The following PRPSAP1 variants were observed in gnomAD, a reference collection of about 807,000 sequenced individuals.
PRPSAP1 encodes phosphoribosyl pyrophosphate synthase-associated protein 1.
In PRPSAP1, 31 loss-of-function variants were observed where a neutral mutation model predicts 39.4. The observed-to-expected ratio is 0.79, with a 90% confidence interval of 0.59 to 1.06. PRPSAP1 has a LOEUF of 1.06. Ranked by LOEUF, PRPSAP1 falls within the 50% of genes least tolerant of loss-of-function variation. The pLI, the probability that PRPSAP1 is intolerant of heterozygous loss-of-function variation, is 0.00. For synonymous variants in PRPSAP1, 212 were observed against 192.6 expected (o/e 1.10, Z -0.83); for missense variants, 430 against 511.6 (o/e 0.84, Z 1.54).
At chr17:76,341,237 T>G (rs891061738) in intron 3 of PRPSAP1, among the ~76,000 whole-genome samples, 40 of 9,984 alleles carry the variant, frequency 4.0e-3, no homozygotes, top group African/African-American at 0.01. Context: ...TTTTTTTGTT[T>G]TTTTTTTTTT....
intron 7 of PRPSAP1, among the ~76,000 whole-genome samples, chr17:76,325,587 G>A (rs1344581883): frequency 6.9e-6 from 1 of 145,274 alleles, no homozygotes; most frequent in African/African-American, 2.6e-5. Flanking sequence ...TGGAGGCTCA[G>A]ATGACTGCTA....
chr17:76,353,870 G>T lies in PRPSAP1; in HGVS notation c.-167C>A, dbSNP rs926413885. 1.6e-5 allele frequency: 21 copies of T among 1,326,188 alleles called. No individual in the cohort carries two copies. The highest frequency in any genetic ancestry group is 9.5e-5 in the East Asian group (3 of 31,684). The allele number at this position is 1,326,188 out of a possible 1,614,324, so 82.2% of individuals were successfully genotyped here. A position where few individuals can be genotyped will look rare whatever the true frequency, so the allele number is the denominator to read the frequency against. Reference sequence around the variant, plus strand: ...CGCACCCCACACCACTGACTACAGCGGCCGAGCCTTCGCAGCGCCCGGCGC... The same window carrying T: ...CGCACCCCACACCACTGACTACAGCTGCCGAGCCTTCGCAGCGCCCGGCGC... On this transcript the variant is annotated 5_prime_UTR_variant, in exon 1 of 10. Transcript: ENST00000446526.
At chr17:76,354,039 A>G (rs1458356589), upstream of PRPSAP1, 1 of 1,107,902 alleles carries the variant, frequency 9.0e-7, no homozygotes, top group African/African-American at 1.6e-5. Context: ...GGGGCATGTC[A>G]CAGGTTCGCC....
intron 9 of PRPSAP1, 121 bp from the exon 10 acceptor site, chr17:76,311,821 G>T: frequency 7.0e-6 from 8 of 1,145,836 alleles, no homozygotes; most frequent in Non-Finnish European, 9.7e-6. Flanking sequence ...ACAAAACCTT[G>T]TTCCACCGAG....
chr17:76,341,370 T>G (rs532948340), intron 3 of PRPSAP1, among the ~76,000 whole-genome samples: 1 of 150,956 alleles, frequency 6.6e-6, no homozygotes, highest in East Asian at 2.0e-4. Context: ...CCCGAGTAGC[T>G]CAGACTACAG....
intron 4 of PRPSAP1, among the ~76,000 whole-genome samples, chr17:76,331,970 T>TAAGAATGCCAA (rs1161648441): frequency 6.6e-6 from 1 of 151,942 alleles, no homozygotes; most frequent in African/African-American, 2.4e-5. Flanking sequence ...AAAGATCACA[T>TAAGAATGCCAA]AAGAATGCCA....
At chr17:76,311,737 G>T (rs774907363) in intron 9 of PRPSAP1, 37 bp from the exon 10 acceptor site, 4 of 1,594,532 alleles carry the variant, frequency 2.5e-6, no homozygotes, top group Non-Finnish European at 3.4e-6. Flanking sequence ...CGCTGTTACT[G>T]AAGTCTGTTC....
Position 76,353,748 on chromosome 17 carries a change from C to T in PRPSAP1, c.-45G>A, listed in dbSNP as rs1183529056. 2.1e-6 allele frequency: 3 copies of T among 1,413,270 alleles called. No individual in the cohort carries two copies. The highest frequency in any genetic ancestry group is 2.7e-6 in the Non-Finnish European group (3 of 1,093,364). The allele number at this position is 1,413,270 out of a possible 1,614,324, so 87.5% of individuals were successfully genotyped here. A position where few individuals can be genotyped will look rare whatever the true frequency, so the allele number is the denominator to read the frequency against. On this transcript the variant is annotated 5_prime_UTR_variant, in exon 1 of 10. Coordinates refer to ENST00000446526, the MANE Select transcript of PRPSAP1 (RefSeq NM_002766.3). ...TTACGACCGGCCCCGCGCGGGGCTG[C>T]ACTCTGAGTGCTTCCGACTGCGAGA...
chr17:76,325,467 T>TA (rs947074222), intron 7 of PRPSAP1, among the ~76,000 whole-genome samples: 7 of 146,930 alleles, frequency 4.8e-5, no homozygotes, highest in Non-Finnish European at 7.5e-5. Context: ...CCCCATCTCT[T>TA]AAAAAAAAGA....
intron 3 of PRPSAP1, among the ~76,000 whole-genome samples, chr17:76,340,686 T>G (rs1258950440): frequency 6.6e-6 from 1 of 151,254 alleles, no homozygotes; most frequent in African/African-American, 2.4e-5. Context: ...AGGTTGGGAG[T>G]TCGAGACCAG....
chr17:76,313,791 C>T (rs768138265), intron 8 of PRPSAP1, 30 bp downstream of exon 8: 1 of 1,613,014 alleles, frequency 6.2e-7, no homozygotes, highest in African/African-American at 1.3e-5. Context: ...AGGAGTGCCA[C>T]CTCTGCACAT....
chr17:76,330,435 T>C (rs1021574832), intron 5 of PRPSAP1, 116 bp downstream of exon 5: 2 of 753,098 alleles, frequency 2.7e-6, no homozygotes, highest in Non-Finnish European at 2.1e-6. Context: ...CCTCAGGCAT[T>C]GTGACTTAAG....
chr17:76,329,746 CA>C (rs1167170809), intron 6 of PRPSAP1, among the ~76,000 whole-genome samples: 25 of 141,634 alleles, frequency 1.8e-4, no homozygotes, highest in Admixed American at 7.1e-4. Context: ...AAAAAAAAAA[CA>C]AAAAAAAAAA....
At chr17:76,314,919 C>T (rs1227189360) in intron 7 of PRPSAP1, among the ~76,000 whole-genome samples, 1 of 152,226 alleles carries the variant, frequency 6.6e-6, no homozygotes, top group East Asian at 1.9e-4. Context: ...AGGAATGCCG[C>T]TCTGCAGAAA....
At chr17:76,331,027 T>A (rs567614073) in intron 4 of PRPSAP1, among the ~76,000 whole-genome samples, 1 of 152,108 alleles carries the variant, frequency 6.6e-6, no homozygotes, top group Non-Finnish European at 1.5e-5. Context: ...AAAGAAAGGA[T>A]AAAGAACTGT....
intron 5 of PRPSAP1, 38 bp downstream of exon 5, chr17:76,330,513 T>C: frequency 1.4e-6 from 2 of 1,445,246 alleles, no homozygotes; most frequent in Non-Finnish European, 1.9e-6. Context: ...ATAAGATCTC[T>C]TTTGAGGACA....
At chr17:76,320,891 C>A (rs920232460) in intron 7 of PRPSAP1, among the ~76,000 whole-genome samples, 1 of 151,824 alleles carries the variant, frequency 6.6e-6, no homozygotes, top group African/African-American at 2.4e-5. Flanking sequence ...AAGGGAACCT[C>A]CCATCTCAGC....
intron 4 of PRPSAP1, among the ~76,000 whole-genome samples, 155 bp from the exon 5 acceptor site, chr17:76,330,821 T>G (rs2071313812): frequency 6.6e-6 from 1 of 152,214 alleles, no homozygotes; most frequent in Non-Finnish European, 1.5e-5. Context: ...TTGTTAACCT[T>G]AATAAAGCCT....
intron 5 of PRPSAP1, chr17:76,330,312 A>G (rs2071306981): frequency 1.7e-6 from 1 of 603,204 alleles, no homozygotes. Flanking sequence ...AATTCTTAAA[A>G]CATTCATTTT....
Sources: allele counts gnomAD v4.1 joint callset (sites outside exome capture counted in the v4.1 genomes callset), GRCh38; gene constraint gnomAD v4.1.1; transcripts MANE v1.5; gene names NCBI Gene and HGNC (gene_info 2026-07-23, HGNC 2026-07-21).